Variants in TAFA2 observed in about 807,000 individuals in gnomAD.
TAFA2 encodes the protein chemokine-like protein TAFA-2.
Under a neutral mutation model 18.8 loss-of-function variants are expected in TAFA2, and 7 were observed. That is an observed-to-expected ratio of 0.37 (90% CI 0.21 to 0.70). The LOEUF is 0.70. Among genes scored for constraint, TAFA2 ranks in the 30% least tolerant of loss-of-function variants. TAFA2 has a pLI of 0.53. For synonymous variants in TAFA2, 60 were observed against 54.2 expected, an observed-to-expected ratio of 1.11 and a Z score of -0.47; for missense variants, 122 against 158.1, an observed-to-expected ratio of 0.77 and a Z score of 1.23.
chr12:61,826,461 A>G (rs1343135832), intron 2 of TAFA2, among the ~76,000 whole-genome samples: 12 of 152,004 alleles, frequency 7.9e-5, no homozygotes, highest in Admixed American at 5.9e-4. Context: ...GAAATCTGAG[A>G]AATGCAGAAT....
At chr12:61,871,644 G>A (rs966432126) in intron 1 of TAFA2, among the ~76,000 whole-genome samples, 5 of 152,190 alleles carry the variant, frequency 3.3e-5, no homozygotes, top group African/African-American at 1.2e-4. Context: ...GGCAGTGAAG[G>A]ATGTTGAAGT....
intron 3 of TAFA2, 116 bp from the exon 4 acceptor site, chr12:61,753,862 T>C (rs1869137066): frequency 1.4e-6 from 1 of 738,296 alleles, no homozygotes; most frequent in Non-Finnish European, 2.1e-6. Flanking sequence ...AATACAGGTA[T>C]TTGAGGTATG....
intron 1 of TAFA2, among the ~76,000 whole-genome samples, chr12:61,947,459 T>TA (rs964982982): frequency 2.0e-5 from 3 of 150,880 alleles, no homozygotes; most frequent in African/African-American, 4.9e-5. Context: ...AAGTATAATT[T>TA]AAAAAATAAA....
intron 1 of TAFA2, among the ~76,000 whole-genome samples, chr12:62,246,058 C>G (rs1343354468): frequency 6.6e-6 from 1 of 151,286 alleles, no homozygotes; most frequent in Non-Finnish European, 1.5e-5. Context: ...GCAATCTCAG[C>G]TCACTGCAAG....
intron 1 of TAFA2, among the ~76,000 whole-genome samples, chr12:62,016,673 C>T (rs773409806): frequency 3.3e-5 from 5 of 152,132 alleles, no homozygotes; most frequent in Non-Finnish European, 5.9e-5. Flanking sequence ...TTCCTCCGAG[C>T]CCTTCTCAGA....
At chr12:61,883,650 A>G (rs1565668458) in intron 1 of TAFA2, among the ~76,000 whole-genome samples, 1 of 152,302 alleles carries the variant, frequency 6.6e-6, no homozygotes, top group East Asian at 1.9e-4. Flanking sequence ...AGAAAGAGAT[A>G]CCAAATTTAA....
intron 1 of TAFA2, among the ~76,000 whole-genome samples, chr12:62,171,429 T>A (rs1422612005): frequency 1.3e-5 from 2 of 152,220 alleles, no homozygotes; most frequent in East Asian, 3.8e-4. Flanking sequence ...TTCTGCTATA[T>A]GGCATTTCCT....
chr12:61,881,499 G>A (rs552111643), intron 1 of TAFA2, among the ~76,000 whole-genome samples: 4 of 152,112 alleles, frequency 2.6e-5, no homozygotes, highest in East Asian at 1.9e-4. Flanking sequence ...ACTATTGTAC[G>A]GACAGTTCAT....
intron 2 of TAFA2, among the ~76,000 whole-genome samples, chr12:61,783,947 A>G (rs765169671): frequency 2.6e-5 from 4 of 151,622 alleles, no homozygotes; most frequent in Non-Finnish European, 5.9e-5. Context: ...TTTACTTAAT[A>G]AACTCAGCAC....
At chr12:62,030,386 T>C (rs954047285) in intron 1 of TAFA2, among the ~76,000 whole-genome samples, 1 of 151,822 alleles carries the variant, frequency 6.6e-6, no homozygotes, top group African/African-American at 2.4e-5. Context: ...ATGGGAGAAA[T>C]AGAATAAGCC....
chr12:62,111,877 G>C (rs1351886510), intron 1 of TAFA2, among the ~76,000 whole-genome samples: 1 of 152,096 alleles, frequency 6.6e-6, no homozygotes, highest in Non-Finnish European at 1.5e-5. Context: ...GAGCCTATGT[G>C]TGTCTTTGCA....
chr12:61,899,300 T>C (rs1051404623), intron 1 of TAFA2, among the ~76,000 whole-genome samples: 6 of 152,194 alleles, frequency 3.9e-5, no homozygotes, highest in Non-Finnish European at 8.8e-5. Context: ...AGTATCTTTA[T>C]AGCAGTGCCC....
intron 4 of TAFA2, among the ~76,000 whole-genome samples, chr12:61,717,501 G>C (rs1054670647): frequency 6.6e-5 from 10 of 152,162 alleles, no homozygotes; most frequent in African/African-American, 2.4e-4. Flanking sequence ...GCTTTTGCTA[G>C]ATTGGCCTGA....
At chr12:62,173,928 C>A (rs1292700482) in intron 1 of TAFA2, among the ~76,000 whole-genome samples, 2 of 152,098 alleles carry the variant, frequency 1.3e-5, no homozygotes, top group Non-Finnish European at 2.9e-5. Flanking sequence ...AAAGGTCTTA[C>A]CAGGAACCTT....
chr12:62,015,979 G>A (rs1880924256), intron 1 of TAFA2, among the ~76,000 whole-genome samples: 1 of 152,154 alleles, frequency 6.6e-6, no homozygotes, highest in African/African-American at 2.4e-5. Flanking sequence ...GGTAATGGTT[G>A]CACAACGTTA....
intron 1 of TAFA2, among the ~76,000 whole-genome samples, chr12:62,091,729 A>C (rs9738279): frequency 0.024 from 3,692 of 152,078 alleles, 150 homozygotes; most frequent in African/African-American, 0.083. Context: ...TCCCAGACCC[A>C]CGATAGTCAT....
At chr12:61,964,256 A>G (rs887419915) in intron 1 of TAFA2, among the ~76,000 whole-genome samples, 4 of 152,060 alleles carry the variant, frequency 2.6e-5, no homozygotes, top group Admixed American at 2.6e-4. Context: ...GTTTCTGCAC[A>G]GCAAAAGAAA....
intron 1 of TAFA2, among the ~76,000 whole-genome samples, chr12:61,984,531 G>GT (rs938378396): frequency 2.0e-5 from 3 of 151,952 alleles, no homozygotes; most frequent in African/African-American, 4.8e-5. Context: ...ATCCTTTGTG[G>GT]TTTTTTTTCC....
rs539464795 is a variant in TAFA2 at position 61,982,899 on chromosome 12, C to G, written c.-1-115473G>C. ...GGCAAAAAAAAAAAAAAAAAAGTTA[C>G]TTTTTTAAAAACTTCTGACCCAAAT... On this transcript the variant is annotated intron_variant, in intron 1 of 4. Transcript: ENST00000416284. Among the ~76,000 whole-genome samples the G allele has an allele frequency of 3.6e-4, 29 of 79,994 alleles. No homozygotes were observed. The South Asian group carries it at 0.01, about 28-fold the overall frequency. 52.5% of individuals were successfully genotyped at this position (79,994 alleles called of 152,430 possible).
Sources: gnomAD v4.1 joint callset for allele counts (sites outside exome capture counted in the v4.1 genomes callset) on GRCh38, gnomAD v4.1.1 for gene constraint, MANE v1.5 for transcripts, NCBI Gene and HGNC (gene_info 2026-07-23, HGNC 2026-07-21) for gene names.